The following PLCL2 variants were observed in gnomAD, a reference collection of about 807,000 sequenced individuals.
PLCL2 encodes phospholipase C like 2.
A neutral mutation model predicts 79.6 loss-of-function variants in PLCL2; 4 were observed. The ratio of observed to expected loss-of-function variants is 0.05; its 90% CI spans 0.02 to 0.11. PLCL2 has a LOEUF of 0.11. PLCL2 is among the 10% of genes least tolerant of loss of function. The pLI is 1.00. For synonymous variants in PLCL2, 484 were observed against 457.7 expected, an observed-to-expected ratio of 1.06 and a Z score of -0.73; for missense variants, 895 against 1,291.0, an observed-to-expected ratio of 0.69 and a Z score of 4.70.
intron 5 of PLCL2, among the ~76,000 whole-genome samples, chr3:17,071,307 T>A (rs2065058340): frequency 6.6e-6 from 1 of 152,232 alleles, no homozygotes; most frequent in Non-Finnish European, 1.5e-5. Context: ...AATCTTTACT[T>A]GCCTAGTTTA....
chr3:16,945,239 TACACACACACACAC>T (rs10542881), intron 1 of PLCL2, among the ~76,000 whole-genome samples: 1 of 150,320 alleles, frequency 6.7e-6, no homozygotes, highest in African/African-American at 2.4e-5. Flanking sequence ...CACAAACACA[TACACACACACACAC>T]ACACACACAT....
chr3:16,960,575 T>A, intron 1 of PLCL2, among the ~76,000 whole-genome samples: 1 of 98,532 alleles, frequency 1.0e-5, no homozygotes, highest in Non-Finnish European at 2.1e-5. Flanking sequence ...GTAATTTTAG[T>A]TACGTTAAGT....
intron 4 of PLCL2, among the ~76,000 whole-genome samples, chr3:17,063,308 CT>C (rs1419619814): frequency 1.1e-5 from 1 of 90,718 alleles, no homozygotes; most frequent in East Asian, 5.2e-4. Context: ...TCATTCCCTC[CT>C]TCCTTCTTTT....
chr3:17,038,416 G>A (rs2064681446), intron 3 of PLCL2, among the ~76,000 whole-genome samples: 1 of 152,174 alleles, frequency 6.6e-6, no homozygotes, highest in Admixed American at 6.5e-5. Flanking sequence ...TTGCATTAAT[G>A]CAAATAATGC....
At chr3:17,061,401 T>A (rs1481642248) in intron 4 of PLCL2, among the ~76,000 whole-genome samples, 2 of 152,226 alleles carry the variant, frequency 1.3e-5, no homozygotes, top group East Asian at 3.8e-4. Context: ...TATCCCAGTA[T>A]AGTTGTATGC....
chr3:17,022,109 G>A (rs929452311), intron 3 of PLCL2, among the ~76,000 whole-genome samples: 1 of 151,858 alleles, frequency 6.6e-6, no homozygotes, highest in Non-Finnish European at 1.5e-5. Context: ...TTTTTTAAAG[G>A]GGCAAAGGCA....
At position 16,941,025 on chromosome 3, in the gene PLCL2, G is replaced by T. The variant is rs540603870; in HGVS notation, c.327+55659G>T. ...TTCCACCTCTGTACTCTGTAGGCTT[G>T]CTTATTCTAACCCTGCCTGCAGCTT... is the stretch of plus-strand genomic sequence containing the variant. On this transcript the variant is annotated intron_variant, in intron 1 of 5. Transcript: ENST00000615277. 1.5e-4 allele frequency among the ~76,000 whole-genome samples: 23 copies of T among 152,240 alleles called. No homozygotes were observed. In the South Asian group the frequency reaches 4.8e-3, roughly 32 times the overall value.
chr3:16,954,257 A>G (rs2063681537), intron 1 of PLCL2, among the ~76,000 whole-genome samples: 4 of 152,074 alleles, frequency 2.6e-5, no homozygotes, highest in African/African-American at 7.2e-5. Context: ...ATTCCCACCA[A>G]TGAGTGAGCA....
intron 4 of PLCL2, among the ~76,000 whole-genome samples, chr3:17,063,780 G>A (rs2064981096): frequency 6.6e-6 from 1 of 152,180 alleles, no homozygotes; most frequent in Admixed American, 6.5e-5. Context: ...CCCACCCACA[G>A]CTCTTCCCAA....
chr3:17,083,204 A>G (rs977625280), intron 5 of PLCL2, among the ~76,000 whole-genome samples: 3 of 152,144 alleles, frequency 2.0e-5, no homozygotes, highest in Non-Finnish European at 2.9e-5. Flanking sequence ...TGGGAGTTCT[A>G]ATTAGACAAG....
chr3:17,032,541 T>C (rs563760157), intron 3 of PLCL2, among the ~76,000 whole-genome samples: 4 of 152,148 alleles, frequency 2.6e-5, no homozygotes, highest in Non-Finnish European at 5.9e-5. Flanking sequence ...TTTGTGCTGT[T>C]TTTCCTTATC....
chr3:16,933,972 C>T (rs1240957063), intron 1 of PLCL2, among the ~76,000 whole-genome samples: 1 of 152,014 alleles, frequency 6.6e-6, no homozygotes, highest in Non-Finnish European at 1.5e-5. Flanking sequence ...GAGGCGGAGG[C>T]AGGAGAATCG....
chr3:17,022,438 A>T (rs1332413692), intron 3 of PLCL2, among the ~76,000 whole-genome samples: 1 of 152,106 alleles, frequency 6.6e-6, no homozygotes, highest in Non-Finnish European at 1.5e-5. Flanking sequence ...GCAGTGGCTG[A>T]AGGTGCCTCC....
chr3:17,064,747 G>A (rs940726603), intron 4 of PLCL2, among the ~76,000 whole-genome samples: 3 of 151,934 alleles, frequency 2.0e-5, no homozygotes, highest in Admixed American at 1.3e-4. Context: ...TGACCAACAT[G>A]GTGAAACCCC....
At chr3:16,949,360 T>A (rs1245930146) in intron 1 of PLCL2, among the ~76,000 whole-genome samples, 3 of 152,220 alleles carry the variant, frequency 2.0e-5, no homozygotes, top group African/African-American at 7.2e-5. Context: ...AAAAAAATAT[T>A]GTTTTGATTT....
rs192785030 is a variant in PLCL2 at position 16,989,906 on chromosome 3, G to A, written c.328-19768G>A. ...AGTAGTAATGCTGAAACCAAGGTTTGTAGGTGCTCAGACAGGATAGGAATA... is the reference window on the plus strand; with the variant it reads ...AGTAGTAATGCTGAAACCAAGGTTTATAGGTGCTCAGACAGGATAGGAATA... On this transcript the variant is annotated intron_variant, in intron 1 of 5. Transcript: ENST00000615277. Among the ~76,000 whole-genome samples the A allele has an allele frequency of 4.2e-3, 644 of 152,162 alleles. 4 individuals are homozygous for A. The highest frequency in any genetic ancestry group is 0.014 in the African/African-American group (597 of 41,502).
chr3:16,930,234 G>A (rs1045313386), intron 1 of PLCL2, among the ~76,000 whole-genome samples: 2 of 152,200 alleles, frequency 1.3e-5, no homozygotes, highest in Admixed American at 6.5e-5. Context: ...AACCTCATGG[G>A]TTCATATTTT....
chr3:16,998,595 G>A (rs958719117), intron 1 of PLCL2, among the ~76,000 whole-genome samples: 27 of 152,244 alleles, frequency 1.8e-4, no homozygotes, highest in African/African-American at 5.8e-4. Context: ...ATAGGAGCTC[G>A]GTGCTTACCG....
intron 1 of PLCL2, among the ~76,000 whole-genome samples, chr3:16,885,646 C>A (rs1696203474): frequency 6.6e-6 from 1 of 152,344 alleles, no homozygotes; most frequent in African/African-American, 2.4e-5. Flanking sequence ...CTTGTACCTG[C>A]CGGGGTAGGG....
Sources: allele counts gnomAD v4.1 joint callset (sites outside exome capture counted in the v4.1 genomes callset), GRCh38; gene constraint gnomAD v4.1.1; transcripts MANE v1.5; gene names NCBI Gene and HGNC (gene_info 2026-07-23, HGNC 2026-07-21).